PAX9: variants seen among roughly 807,000 people sequenced by gnomAD.
PAX9 encodes the protein paired box 9.
PAX9 carries 6 observed loss-of-function variants against 29.1 expected under a neutral mutation model. That is an observed-to-expected ratio of 0.21 (90% CI 0.11 to 0.41). PAX9 has a LOEUF of 0.41. Among genes scored for constraint, PAX9 ranks in the 10% least tolerant of loss-of-function variants. PAX9 has a pLI of 1.00. For synonymous variants in PAX9, 217 were observed against 211.7 expected, an observed-to-expected ratio of 1.03 and a Z score of -0.22; for missense variants, 443 against 479.1, an observed-to-expected ratio of 0.92 and a Z score of 0.70.
At chr14:36,673,054 C>T (rs543271760) in intron 3 of PAX9, among the ~76,000 whole-genome samples, 51 of 151,114 alleles carry the variant, frequency 3.4e-4, no homozygotes, top group African/African-American at 9.0e-4. Flanking sequence ...TTAGTAGAGA[C>T]GGGGTTTCAC....
At chr14:36,662,118 C>A in intron 1 of PAX9, 25 bp downstream of exon 1, 2 of 1,334,652 alleles carry the variant, frequency 1.5e-6, no homozygotes, top group Non-Finnish European at 9.8e-7. Context: ...GGGACTCTGT[C>A]AGAGCCGGGA....
chr14:36,671,726 T>C (rs1448378208), intron 3 of PAX9, among the ~76,000 whole-genome samples: 4 of 152,158 alleles, frequency 2.6e-5, no homozygotes, highest in Admixed American at 6.5e-5. Flanking sequence ...TTTTAAAAAA[T>C]TGGTAAATCT....
At chr14:36,664,568 G>GGTTTTTTTTTT (rs1161471989) in intron 2 of PAX9, among the ~76,000 whole-genome samples, 1 of 141,988 alleles carries the variant, frequency 7.0e-6, no homozygotes, top group Non-Finnish European at 1.5e-5. Flanking sequence ...CTTTTACTGA[G>GGTTTTTTTTTT]TTTTTTTTTT....
chr14:36,661,433 G>C (rs1881260647), upstream of PAX9, among the ~76,000 whole-genome samples: 1 of 152,194 alleles, frequency 6.6e-6, no homozygotes. Flanking sequence ...ACAGTCCCCA[G>C]AGGCCCGCAT....
At position 36,663,426 on chromosome 14, in the gene PAX9, G is replaced by A. The variant is rs777416428; in HGVS notation, c.534G>A (p.Gly178=). ...AAAAKVPTPP[G]VPAIPGSVAM... is the part of the protein sequence containing the mutation. ...CCGCCAAGGTGCCCACGCCACCCGGGGTGCCTGCCATCCCCGGTTCGGTGG... is the reference window on the plus strand; with the variant it reads ...CCGCCAAGGTGCCCACGCCACCCGGAGTGCCTGCCATCCCCGGTTCGGTGG... Residue 178 remains glycine (G), a synonymous_variant, in exon 2 of 4, where the codon GGG becomes GGA. Transcript: ENST00000361487. 6.2e-7 allele frequency: 1 copy of A among 1,612,982 alleles called. No homozygotes were observed. The highest frequency in any genetic ancestry group is 8.5e-7 in the Non-Finnish European group (1 of 1,179,704).
At chr14:36,668,891 A>T in intron 3 of PAX9, among the ~76,000 whole-genome samples, 1 of 152,144 alleles carries the variant, frequency 6.6e-6, no homozygotes, top group Admixed American at 6.5e-5. Flanking sequence ...TCACATTTAT[A>T]AAAGAATATA....
intron 3 of PAX9, among the ~76,000 whole-genome samples, chr14:36,668,019 G>A (rs1488175952): frequency 6.6e-6 from 1 of 152,172 alleles, no homozygotes; most frequent in Non-Finnish European, 1.5e-5. Flanking sequence ...GATGTTATGA[G>A]TATTCAATGA....
upstream of PAX9, among the ~76,000 whole-genome samples, chr14:36,661,118 A>G (rs1594465126): frequency 6.6e-6 from 1 of 152,352 alleles, no homozygotes; most frequent in African/African-American, 2.4e-5. Context: ...CGCACTGGCA[A>G]TTGGTCGACT....
At chr14:36,675,824 C>A (rs1297271137) in intron 3 of PAX9, among the ~76,000 whole-genome samples, 1 of 152,172 alleles carries the variant, frequency 6.6e-6, no homozygotes, top group Non-Finnish European at 1.5e-5. Context: ...AAACCCAAGT[C>A]CCAGGAAGGT....
rs7148372 is a variant in PAX9, at chr14:36,666,905, A to G, written c.771+304A>G. Among the ~76,000 whole-genome samples the G allele has an allele frequency of 0.39, 59,750 of 151,758 alleles. 11,942 individuals carry two copies. Among genetic ancestry groups the G allele is most frequent in the East Asian group, 0.45 (2,301 of 5,068 alleles). ...GCCTCCAGGCCTGTCGGCCTCCGGG[A>G]GCTTGGGGAGGCGGCTCCCGAAGCC... On this transcript the variant is annotated intron_variant, in intron 3 of 3. Coordinates refer to ENST00000361487, the MANE Select transcript of PAX9 (RefSeq NM_001372076.1).
Position 36,676,520 on chromosome 14 carries a change from AG to A in PAX9, c.*70del, listed in dbSNP as rs1881899661. 1.3e-6 allele frequency: 2 copies of A among 1,572,904 alleles called. No individual in the cohort carries two copies. The highest frequency in any genetic ancestry group is 1.7e-6 in the Non-Finnish European group (2 of 1,157,952). On this transcript the variant is annotated 3_prime_UTR_variant, in exon 4 of 4. Transcript: ENST00000361487. Reference sequence around the variant, plus strand: ...CTCAGCACCTCCTCCCCCAATTCCCAGGTCTCACATCCCACCCCTCCTGCCC... The same window carrying A: ...CTCAGCACCTCCTCCCCCAATTCCCAGTCTCACATCCCACCCCTCCTGCCC...
At position 36,663,064 on chromosome 14, in the gene PAX9, G is replaced by A. The variant is rs1312345937; in HGVS notation, c.172G>A (p.Ala58Thr). The A allele has an allele frequency of 1.2e-6, 2 of 1,613,812 alleles. No homozygotes were observed. The highest frequency in any genetic ancestry group is 2.7e-5 in the African/African-American group (2 of 74,950). Residue 58 changes from alanine to threonine, a missense_variant, in exon 2 of 4, where the codon GCG becomes ACG. Ala to Thr is a moderately conservative substitution (Grantham distance 58, BLOSUM62 0). Around this residue, in one of 2 missense-constraint regions of PAX9, gnomAD observed 107 missense variants for 161.9 expected, o/e 0.66. Coordinates refer to ENST00000361487, the MANE Select transcript of PAX9 (RefSeq NM_001372076.1). Reference protein sequence around the residue: ...VSHGCVSKILARYNETGSILP... With the variant: ...VSHGCVSKILTRYNETGSILP... ...GCACGGCTGCGTCAGCAAGATCCTG[G>A]CGCGATACAACGAGACGGGCTCGAT...
chr14:36,671,354 C>T lies in PAX9; in HGVS notation c.771+4753C>T, dbSNP rs182263806. ...GTGGTCACAAGTGTTTTGATACTAA[C>T]GTATTTTCCTTTACTTGGAGGAGGG... On this transcript the variant is annotated intron_variant, in intron 3 of 3. Coordinates refer to ENST00000361487, the MANE Select transcript of PAX9 (RefSeq NM_001372076.1). 3.0e-3 allele frequency among the ~76,000 whole-genome samples: 460 copies of T among 152,222 alleles called. 6 individuals carry two copies. The highest frequency in any genetic ancestry group is 4.2e-3 in the Admixed American group (64 of 15,302).
At chr14:36,669,106 A>T (rs1881614474) in intron 3 of PAX9, among the ~76,000 whole-genome samples, 1 of 152,214 alleles carries the variant, frequency 6.6e-6, no homozygotes, top group Non-Finnish European at 1.5e-5. Flanking sequence ...AGAATAATAT[A>T]AATTAGTGGC....
In PAX9 at chr14:36,663,336, G is replaced by T. The variant is rs1278990415; in HGVS notation, c.444G>T (p.Pro148=). ...GHYDSYKQHQ[P]TPQPALPYNH... is the part of the protein sequence containing the mutation. Reference sequence around the variant, plus strand: ...ACGACTCATACAAGCAGCACCAGCCGACGCCGCAGCCAGCGCTGCCCTACA... The same window carrying T: ...ACGACTCATACAAGCAGCACCAGCCTACGCCGCAGCCAGCGCTGCCCTACA... The change falls in exon 2 of 4, where the codon CCG becomes CCT. Residue 148 remains proline (P), a synonymous_variant. Transcript: ENST00000361487. 6 of 1,614,144 alleles carry T rather than the reference G, an allele frequency of 3.7e-6. No individual in the cohort carries two copies. Among genetic ancestry groups the T allele is most frequent in the Non-Finnish European group, 4.2e-6 (5 of 1,180,038 alleles).
intron 3 of PAX9, among the ~76,000 whole-genome samples, chr14:36,666,968 G>T (rs542571716): frequency 6.6e-6 from 1 of 152,250 alleles, no homozygotes; most frequent in Non-Finnish European, 1.5e-5. Flanking sequence ...GTTAACCAAA[G>T]AAGGCGCTTC....
chr14:36,670,673 C>T (rs986379255), intron 3 of PAX9, among the ~76,000 whole-genome samples: 3 of 152,048 alleles, frequency 2.0e-5, no homozygotes, highest in Middle Eastern at 3.4e-3. Context: ...CATTCTTTGA[C>T]CTGGTTACAT....
At chr14:36,658,382 G>T (rs896256345), upstream of PAX9, among the ~76,000 whole-genome samples, 55 of 151,952 alleles carry the variant, frequency 3.6e-4, no homozygotes, top group Middle Eastern at 3.4e-3. Flanking sequence ...TTGGGGGGGG[G>T]GGGTCCTGTC....
chr14:36,666,658 G>A (rs1373868543), intron 3 of PAX9, 57 bp downstream of exon 3: 4 of 1,546,786 alleles, frequency 2.6e-6, no homozygotes, highest in Non-Finnish European at 3.5e-6. Flanking sequence ...TTTAGGCGAT[G>A]GAACACTTTG....
Sources: allele counts gnomAD v4.1 joint callset (sites outside exome capture counted in the v4.1 genomes callset), GRCh38; gene constraint gnomAD v4.1.1; regional missense constraint gnomAD v4.1.1; transcripts MANE v1.5; gene names NCBI Gene and HGNC (gene_info 2026-07-23, HGNC 2026-07-21).